Variants in NUP153 observed in about 807,000 individuals in gnomAD.
NUP153 encodes the protein nuclear pore complex protein Nup153.
NUP153 carries 27 observed loss-of-function variants against 134.6 expected under a neutral mutation model. That is an observed-to-expected ratio of 0.20 (90% CI 0.15 to 0.28). The LOEUF is 0.28. Ranked by LOEUF, NUP153 falls within the 10% of genes least tolerant of loss-of-function variation. The probability of loss-of-function intolerance (pLI) is 1.00; values close to 1 mark genes in which losing one functional copy is unlikely to be tolerated. For missense variants in NUP153, 1,821 were observed against 1,731.3 expected (o/e 1.05, Z -0.92); for synonymous variants, 640 against 623.5 (o/e 1.03, Z -0.40).
intron 8 of NUP153, among the ~76,000 whole-genome samples, chr6:17,666,442 A>T (rs1401409808): frequency 6.6e-6 from 1 of 152,120 alleles, no homozygotes; most frequent in African/African-American, 2.4e-5. Flanking sequence ...TTGAACCCGG[A>T]GGCAGAGCTT....
At chr6:17,671,533 AAAGTCTAACAAAT>A (rs1253821360) in intron 5 of NUP153, among the ~76,000 whole-genome samples, 1 of 152,232 alleles carries the variant, frequency 6.6e-6, no homozygotes, top group East Asian at 1.9e-4. Context: ...CCAAATAACA[AAAGTCTAACAAAT>A]AAGTCTAACA....
chr6:17,664,599 A>T (rs1270302169), intron 9 of NUP153, among the ~76,000 whole-genome samples: 1 of 152,234 alleles, frequency 6.6e-6, no homozygotes. Context: ...GGAGATGCAT[A>T]TCAAAGTACT....
At chr6:17,617,887 C>T (rs749797151) in intron 20 of NUP153, among the ~76,000 whole-genome samples, 1 of 152,036 alleles carries the variant, frequency 6.6e-6, no homozygotes, top group Non-Finnish European at 1.5e-5. Flanking sequence ...GGTAATTCTC[C>T]TCTTCCACCG....
chr6:17,631,705 G>A (rs1039824155), intron 17 of NUP153, among the ~76,000 whole-genome samples: 3 of 151,742 alleles, frequency 2.0e-5, no homozygotes, highest in Non-Finnish European at 2.9e-5. Context: ...GTTGGCTCAC[G>A]CCTGTAATCC....
intron 13 of NUP153, among the ~76,000 whole-genome samples, chr6:17,647,185 T>C (rs559123753): frequency 1.3e-4 from 20 of 152,322 alleles, no homozygotes; most frequent in African/African-American, 4.6e-4. Flanking sequence ...CAGTCAAAAC[T>C]AGAAAATGAC....
At chr6:17,682,925 G>GGAA (rs758009928) in intron 2 of NUP153, among the ~76,000 whole-genome samples, 3 of 123,766 alleles carry the variant, frequency 2.4e-5, no homozygotes, top group Non-Finnish European at 4.9e-5. Context: ...CAAAAAAGAA[G>GGAA]AAAAAAAAAA....
At chr6:17,671,864 G>A (rs1034036628) in intron 5 of NUP153, among the ~76,000 whole-genome samples, 2 of 151,976 alleles carry the variant, frequency 1.3e-5, no homozygotes, top group Non-Finnish European at 2.9e-5. Flanking sequence ...AAAAATTAGT[G>A]GGGCATGGTG....
At chr6:17,651,505 T>C (rs1244236373) in intron 11 of NUP153, among the ~76,000 whole-genome samples, 2 of 151,852 alleles carry the variant, frequency 1.3e-5, no homozygotes, top group African/African-American at 4.8e-5. Flanking sequence ...ACACAGAAAA[T>C]GGACAGAAAG....
chr6:17,622,893 G>A (rs780201362), intron 20 of NUP153, among the ~76,000 whole-genome samples: 2 of 152,120 alleles, frequency 1.3e-5, no homozygotes, highest in Non-Finnish European at 2.9e-5. Flanking sequence ...CACTGTGGGA[G>A]GCCGAGGTGG....
In NUP153 at chr6:17,660,120, T is replaced by A. The variant is rs1001009437; in HGVS notation, c.1395+1533A>T. On this transcript the variant is annotated intron_variant, in intron 11 of 21. Transcript: ENST00000262077. ...GTACTGCTAGCTAGGAAAAGCATAG[T>A]TAAAAGGAAGCAAGGCATCACACTC... 1.9e-4 allele frequency among the ~76,000 whole-genome samples: 29 copies of A among 152,230 alleles called. 1 individual carries two copies. The East Asian group carries it at 5.2e-3, about 27-fold the overall frequency.
chr6:17,700,859 A>G (rs564177548), intron 1 of NUP153, among the ~76,000 whole-genome samples: 2 of 152,226 alleles, frequency 1.3e-5, no homozygotes, highest in African/African-American at 4.8e-5. Context: ...AAAATTCACT[A>G]TCTGTGTCCC....
chr6:17,683,150 C>G (rs1463099969), intron 2 of NUP153, among the ~76,000 whole-genome samples: 1 of 152,076 alleles, frequency 6.6e-6, no homozygotes, highest in Non-Finnish European at 1.5e-5. Flanking sequence ...CTCTAAACTC[C>G]TATTCATGTC....
rs546697497 is a variant in NUP153, at chr6:17,672,246, T to C, written c.852+2659A>G. On this transcript the variant is annotated intron_variant, in intron 5 of 21. Transcript: ENST00000262077. ...AATGGGTGGGTCGGGGGAGGGATGG[T>C]CAAAAGTCCAGAAATAAAGCCATGT... is the stretch of plus-strand genomic sequence containing the variant. Among the ~76,000 whole-genome samples the C allele has an allele frequency of 1.0e-3, 159 of 151,944 alleles. 1 individual carries two copies. Among genetic ancestry groups the C allele is most frequent in the African/African-American group, 3.7e-3 (152 of 41,446 alleles).
intron 21 of NUP153, 109 bp from the exon 22 acceptor site, chr6:17,616,290 G>GGGGGGGGGGGGGGGCC: frequency 2.1e-6 from 1 of 473,888 alleles, no homozygotes; most frequent in East Asian, 4.5e-5. Flanking sequence ...GGTGGGGGGG[G>GGGGGGGGGGGGGGGCC]AGTAGACTCA....
chr6:17,679,218 C>A (rs182824985), intron 2 of NUP153, among the ~76,000 whole-genome samples: 3 of 151,838 alleles, frequency 2.0e-5, no homozygotes, highest in African/African-American at 7.3e-5. Context: ...AAAATCAACA[C>A]AAAAAAATGT....
At chr6:17,658,499 T>TAATG (rs2113811794) in intron 11 of NUP153, among the ~76,000 whole-genome samples, 1 of 152,266 alleles carries the variant, frequency 6.6e-6, no homozygotes, top group South Asian at 2.1e-4. Flanking sequence ...ATGAGAAGCA[T>TAATG]AATGGCCAGC....
chr6:17,620,212 A>G (rs1764577186), intron 20 of NUP153, among the ~76,000 whole-genome samples: 1 of 151,864 alleles, frequency 6.6e-6, no homozygotes, highest in African/African-American at 2.4e-5. Context: ...AAAAAAGCTG[A>G]GGTATCATAC....
chr6:17,615,820 G>T lies in NUP153; in HGVS notation c.*277C>A. 2.7e-6 allele frequency: 1 copy of T among 369,590 alleles called. No homozygotes were observed. The highest frequency in any genetic ancestry group is 5.0e-5 in the East Asian group (1 of 20,168). 22.9% of individuals were successfully genotyped at this position (369,590 alleles called of 1,614,324 possible). The stretch of plus-strand genomic sequence containing the variant: ...ATTCACCGTGCAGGCTCCATTCCTG[G>T]GTACAGCCAGACTATGTCAAATCAG... On this transcript the variant is annotated 3_prime_UTR_variant, in exon 22 of 22. Coordinates refer to ENST00000262077, the MANE Select transcript of NUP153 (RefSeq NM_005124.4). The surrounding 1 kb of genome is among the most constrained non-coding windows in gnomAD (Gnocchi z 5.7).
chr6:17,622,191 T>C (rs1173118851), intron 20 of NUP153, among the ~76,000 whole-genome samples: 1 of 152,312 alleles, frequency 6.6e-6, no homozygotes, highest in Non-Finnish European at 1.5e-5. Flanking sequence ...AGCTCACGCC[T>C]GTAATCCTAG....
Sources: gnomAD v4.1 joint callset for allele counts (sites outside exome capture counted in the v4.1 genomes callset) on GRCh38, gnomAD v4.1.1 for gene constraint, Gnocchi (gnomAD v3.1) non-coding constraint, MANE v1.5 for transcripts, NCBI Gene and HGNC (gene_info 2026-07-23, HGNC 2026-07-21) for gene names.